The following ASB3 variants were observed in gnomAD, a reference collection of about 807,000 sequenced individuals.
ASB3 encodes ankyrin repeat and SOCS box containing 3, also known as ankyrin repeat and SOCS box protein 3.
Under a neutral mutation model 54.5 loss-of-function variants are expected in ASB3, and 41 were observed. That is an observed-to-expected ratio of 0.75 (90% CI 0.59 to 0.98). The LOEUF (loss-of-function observed/expected upper bound fraction) is 0.98. ASB3 is among the 50% of genes least tolerant of loss of function. The probability of loss-of-function intolerance (pLI) is 0.00; values close to 1 mark genes in which losing one functional copy is unlikely to be tolerated. For missense variants in ASB3, 733 were observed against 620.0 expected (o/e 1.18, Z -1.94); for synonymous variants, 266 against 221.2 (o/e 1.20, Z -1.80).
At chr2:53,688,564 T>C (rs2103703498) in intron 9 of ASB3, among the ~76,000 whole-genome samples, 1 of 152,276 alleles carries the variant, frequency 6.6e-6, no homozygotes, top group Admixed American at 6.5e-5. Flanking sequence ...ATTGTGAAAA[T>C]GATATGAGGT....
At chr2:53,760,115 C>T (rs974695857) in intron 2 of ASB3, among the ~76,000 whole-genome samples, 7 of 152,120 alleles carry the variant, frequency 4.6e-5, no homozygotes, top group African/African-American at 1.7e-4. Flanking sequence ...CTAATTATGC[C>T]TGAAAGCCCC....
chr2:53,677,799 G>A (rs1046613610), intron 9 of ASB3, among the ~76,000 whole-genome samples: 3 of 152,218 alleles, frequency 2.0e-5, no homozygotes, highest in East Asian at 3.9e-4. Flanking sequence ...CTCATGTTCC[G>A]AATGTGTAGA....
intron 9 of ASB3, among the ~76,000 whole-genome samples, chr2:53,689,042 G>A (rs976652117): frequency 2.0e-5 from 3 of 151,730 alleles, no homozygotes; most frequent in African/African-American, 7.3e-5. Context: ...TAAAATTTTA[G>A]CCAGTAAATT....
At chr2:53,785,014 C>T (rs1228293108) in intron 1 of ASB3, among the ~76,000 whole-genome samples, 1 of 152,210 alleles carries the variant, frequency 6.6e-6, no homozygotes, top group Non-Finnish European at 1.5e-5. Context: ...TACCACTTTC[C>T]TCTTACACTC....
Position 53,700,596 on chromosome 2 carries a change from C to G in ASB3, c.981-68G>C, listed in dbSNP as rs1669433866. Reference sequence around the variant, plus strand: ...TTTGACATAAGATACTTCTTACAAACAGTTAATAGTAGTTACAGCTGGGGA... The same window carrying G: ...TTTGACATAAGATACTTCTTACAAAGAGTTAATAGTAGTTACAGCTGGGGA... On this transcript the variant is annotated intron_variant, in intron 7 of 9. Transcript: ENST00000263634. 1.2e-5 allele frequency: 19 copies of G among 1,529,588 alleles called. No individual in the cohort carries two copies. The East Asian group carries it at 3.0e-4, about 24-fold the overall frequency. 94.8% of individuals were successfully genotyped at this position (1,529,588 alleles called of 1,614,324 possible).
intron 3 of ASB3, among the ~76,000 whole-genome samples, chr2:53,747,573 A>G (rs1672293937): frequency 6.6e-6 from 1 of 152,226 alleles, no homozygotes; most frequent in African/African-American, 2.4e-5. Context: ...AAGCTCTGCG[A>G]TAAACAAATG....
chr2:53,689,407 T>C (rs1388034319), intron 9 of ASB3, among the ~76,000 whole-genome samples: 2 of 152,196 alleles, frequency 1.3e-5, no homozygotes, highest in Non-Finnish European at 1.5e-5. Context: ...TACATGTTCT[T>C]GCTAAAGAAA....
At chr2:53,774,105 C>T (rs1234790509) in intron 1 of ASB3, 6 of 1,538,258 alleles carry the variant, frequency 3.9e-6, no homozygotes, top group Non-Finnish European at 4.4e-6. Context: ...TTTAATTAGC[C>T]TTATAATACC....
At chr2:53,677,371 A>T (rs895420047) in intron 9 of ASB3, among the ~76,000 whole-genome samples, 3 of 152,192 alleles carry the variant, frequency 2.0e-5, no homozygotes, top group Non-Finnish European at 4.4e-5. Flanking sequence ...AGCAGCTCTT[A>T]AAAAATTGCC....
At chr2:53,781,665 T>G (rs116490481) in intron 1 of ASB3, among the ~76,000 whole-genome samples, 7 of 152,146 alleles carry the variant, frequency 4.6e-5, no homozygotes, top group Non-Finnish European at 8.8e-5. Flanking sequence ...CTGTCTAATT[T>G]TCTATTTTCA....
At chr2:53,753,957 A>AC (rs1161156746) in intron 2 of ASB3, among the ~76,000 whole-genome samples, 1 of 151,992 alleles carries the variant, frequency 6.6e-6, no homozygotes, top group Non-Finnish European at 1.5e-5. Flanking sequence ...CTTGGTTTTC[A>AC]CTATCATTCT....
intron 8 of ASB3, among the ~76,000 whole-genome samples, chr2:53,698,866 A>T (rs530667663): frequency 1.3e-5 from 2 of 152,306 alleles, no homozygotes; most frequent in African/African-American, 4.8e-5. Flanking sequence ...GGCTTTTTCT[A>T]GACTGTTCTT....
At chr2:53,743,568 G>A (rs919362131) in intron 3 of ASB3, among the ~76,000 whole-genome samples, 2 of 152,040 alleles carry the variant, frequency 1.3e-5, no homozygotes, top group African/African-American at 2.4e-5. Context: ...AAAAGCGGGG[G>A]GAGAAAGAGA....
Position 53,682,696 on chromosome 2 carries a change from C to T in ASB3, c.1369+11188G>A, listed in dbSNP as rs575779710. Among the ~76,000 whole-genome samples the T allele has an allele frequency of 2.6e-5, 4 of 152,148 alleles. No homozygotes were observed. In the South Asian group the frequency reaches 8.3e-4, roughly 32 times the overall value. ...TTCACCATATTGGCCAGGCTGGTCTCGAACTCCTGACCTCAGGTGATCCAC... is the reference window on the plus strand; with the variant it reads ...TTCACCATATTGGCCAGGCTGGTCTTGAACTCCTGACCTCAGGTGATCCAC... On this transcript the variant is annotated intron_variant, in intron 9 of 9. Coordinates refer to ENST00000263634, the MANE Select transcript of ASB3 (RefSeq NM_016115.5).
chr2:53,670,832 C>A, intron 9 of ASB3, 142 bp from the exon 10 acceptor site: 1 of 938,524 alleles, frequency 1.1e-6, no homozygotes, highest in East Asian at 2.7e-5. Context: ...GTCAGTATGA[C>A]CACAATAAAC....
intron 2 of ASB3, among the ~76,000 whole-genome samples, chr2:53,753,761 C>T (rs529983126): frequency 6.6e-6 from 1 of 151,708 alleles, no homozygotes; most frequent in Non-Finnish European, 1.5e-5. Flanking sequence ...TTCAGCCTCC[C>T]GAGTAGCTGG....
chr2:53,762,647 A>G (rs1038479263), intron 2 of ASB3, among the ~76,000 whole-genome samples: 1 of 152,226 alleles, frequency 6.6e-6, no homozygotes, highest in African/African-American at 2.4e-5. Flanking sequence ...CTTATTATTG[A>G]ATGGCATTAA....
intron 5 of ASB3, among the ~76,000 whole-genome samples, chr2:53,724,348 T>C (rs1234166631): frequency 6.6e-6 from 1 of 152,034 alleles, no homozygotes; most frequent in Admixed American, 6.6e-5. Flanking sequence ...GCCTGTAATC[T>C]CAGCACTTTG....
chr2:53,753,063 C>G (rs1672611304), intron 2 of ASB3, among the ~76,000 whole-genome samples: 1 of 151,018 alleles, frequency 6.6e-6, no homozygotes, highest in Non-Finnish European at 1.5e-5. Flanking sequence ...AAAAATCAAC[C>G]AGGAGGTAAA....
Sources: allele counts gnomAD v4.1 joint callset (sites outside exome capture counted in the v4.1 genomes callset), GRCh38; gene constraint gnomAD v4.1.1; transcripts MANE v1.5; gene names NCBI Gene and HGNC (gene_info 2026-07-23, HGNC 2026-07-21).